The following GRIN2B variants were observed in gnomAD, a reference collection of about 807,000 sequenced individuals.
The protein encoded by GRIN2B is glutamate receptor ionotropic, NMDA 2B.
GRIN2B carries 5 observed loss-of-function variants against 114.5 expected under a neutral mutation model. That is an observed-to-expected ratio of 0.04 (90% CI 0.02 to 0.09). The LOEUF (loss-of-function observed/expected upper bound fraction) is 0.09, where lower values mean the gene tolerates loss of function less well. Ranked by LOEUF, GRIN2B falls within the 10% of genes least tolerant of loss-of-function variation. The probability of loss-of-function intolerance (pLI) is 1.00; values close to 1 mark genes in which losing one functional copy is unlikely to be tolerated. For synonymous variants in GRIN2B, 787 were observed against 745.1 expected, an observed-to-expected ratio of 1.06 and a Z score of -0.92; for missense variants, 1,108 against 1,943.5, an observed-to-expected ratio of 0.57 and a Z score of 8.08.
At chr12:13,704,553 T>C (rs910900701) in intron 4 of GRIN2B, among the ~76,000 whole-genome samples, 1 of 152,062 alleles carries the variant, frequency 6.6e-6, no homozygotes, top group Non-Finnish European at 1.5e-5. Context: ...CCCAGTGCCA[T>C]CCCAATCTCT....
At chr12:13,684,041 G>T (rs948014463) in intron 4 of GRIN2B, among the ~76,000 whole-genome samples, 1 of 152,064 alleles carries the variant, frequency 6.6e-6, no homozygotes, top group South Asian at 2.1e-4. Context: ...TACCAGTTCA[G>T]TATATTCTCT....
intron 4 of GRIN2B, among the ~76,000 whole-genome samples, chr12:13,704,998 C>T (rs1038014508): frequency 3.9e-5 from 6 of 152,106 alleles, no homozygotes; most frequent in Non-Finnish European, 8.8e-5. Flanking sequence ...CCTTAGGCAG[C>T]CCCTTCTCCA....
chr12:13,708,841 T>C (rs1454576695), intron 4 of GRIN2B, among the ~76,000 whole-genome samples: 1 of 152,130 alleles, frequency 6.6e-6, no homozygotes, highest in South Asian at 2.1e-4. Context: ...AAAATATTTA[T>C]TGAGTGCTTC....
intron 4 of GRIN2B, chr12:13,683,574 C>G (rs1479373133): frequency 1.3e-5 from 2 of 156,276 alleles, no homozygotes; most frequent in Non-Finnish European, 2.9e-5. Flanking sequence ...CGGCATCTGT[C>G]ACTCCATCGA....
At chr12:13,740,883 G>T (rs969453276) in intron 4 of GRIN2B, among the ~76,000 whole-genome samples, 6 of 152,072 alleles carry the variant, frequency 3.9e-5, no homozygotes, top group African/African-American at 1.4e-4. Flanking sequence ...AGTAGAGATG[G>T]GCACACTTCA....
intron 10 of GRIN2B, among the ~76,000 whole-genome samples, chr12:13,584,779 ATGAAG>A (rs1435895125): frequency 6.6e-6 from 1 of 152,242 alleles, no homozygotes; most frequent in African/African-American, 2.4e-5. Flanking sequence ...TAACATGGAG[ATGAAG>A]TGAAACAGAG....
chr12:13,598,653 C>T (rs1419893934), intron 10 of GRIN2B, among the ~76,000 whole-genome samples: 1 of 152,114 alleles, frequency 6.6e-6, no homozygotes, highest in Non-Finnish European at 1.5e-5. Context: ...GTAGTTTTCT[C>T]TCACAATCCT....
Position 13,865,819 on chromosome 12 carries a change from G to A in GRIN2B, c.390C>T (p.Ser130=). Residue 130 remains serine (S), a synonymous_variant, in exon 3 of 14, where the codon TCC becomes TCT. Transcript: ENST00000609686. ...TTACCTTATCTGCCATTATCATAGA[G>A]GAGCCCCCGTGGATGCCCAGGATGG... ...LTPILGIHGG[S]SMIMADKDES... is the part of the protein sequence containing the mutation. 6.2e-7 allele frequency: 1 copy of A among 1,613,916 alleles called. No individual in the cohort carries two copies. Among genetic ancestry groups the A allele is most frequent in the Non-Finnish European group, 8.5e-7 (1 of 1,179,874 alleles).
chr12:13,895,635 C>G (rs1565578575), intron 2 of GRIN2B, among the ~76,000 whole-genome samples: 1 of 152,136 alleles, frequency 6.6e-6, no homozygotes, highest in Non-Finnish European at 1.5e-5. Flanking sequence ...ACGGAACTCT[C>G]CAGATAATAA....
intron 3 of GRIN2B, among the ~76,000 whole-genome samples, chr12:13,840,674 CAG>C (rs1491294570): frequency 6.6e-6 from 1 of 152,264 alleles, no homozygotes; most frequent in East Asian, 1.9e-4. Flanking sequence ...TGATCAGTTC[CAG>C]TTAGGTTACT....
chr12:13,716,389 A>G (rs947379273), intron 4 of GRIN2B, among the ~76,000 whole-genome samples: 1 of 151,950 alleles, frequency 6.6e-6, no homozygotes, highest in Non-Finnish European at 1.5e-5. Flanking sequence ...ATGAGCCAGT[A>G]GTAATCTAAG....
rs536541953 is a variant in GRIN2B, at chr12:13,736,891, C to T, written c.1010+16426G>A. 1.4e-4 allele frequency among the ~76,000 whole-genome samples: 21 copies of T among 151,750 alleles called. No homozygotes were observed. In the South Asian group the frequency reaches 2.9e-3, roughly 21 times the overall value. On this transcript the variant is annotated intron_variant, in intron 4 of 13. Transcript: ENST00000609686. ...AAAAAATTAGCCGGGCGTGGTGGTG[C>T]GTGCCTGTAGCGCCTATAATCCCAG...
intron 3 of GRIN2B, among the ~76,000 whole-genome samples, chr12:13,841,881 A>C (rs981213524): frequency 6.6e-6 from 1 of 152,202 alleles, no homozygotes; most frequent in Non-Finnish European, 1.5e-5. Flanking sequence ...TTTTAAAAAA[A>C]ATATGGTATA....
At chr12:13,865,657 G>A in intron 3 of GRIN2B, 141 bp downstream of exon 3, 1 of 795,500 alleles carries the variant, frequency 1.3e-6, no homozygotes, top group East Asian at 2.4e-5. Context: ...AAAAAAAAAG[G>A]ATTAATTGCT....
intron 2 of GRIN2B, among the ~76,000 whole-genome samples, chr12:13,915,428 C>A (rs1866699867): frequency 6.6e-6 from 1 of 152,126 alleles, no homozygotes. Flanking sequence ...GCTGACCTCA[C>A]TCTCTATTTT....
intron 10 of GRIN2B, among the ~76,000 whole-genome samples, chr12:13,590,894 T>C (rs1949000811): frequency 6.6e-6 from 1 of 152,172 alleles, no homozygotes; most frequent in Admixed American, 6.5e-5. Context: ...CATTGTTTTC[T>C]ACCACAGAGA....
At chr12:13,881,032 G>T (rs2136764715) in intron 2 of GRIN2B, among the ~76,000 whole-genome samples, 1 of 152,296 alleles carries the variant, frequency 6.6e-6, no homozygotes, top group Non-Finnish European at 1.5e-5. Context: ...GCGCACGCAT[G>T]TGCGCAGGTG....
chr12:13,943,161 C>T (rs219914), intron 2 of GRIN2B, among the ~76,000 whole-genome samples: 80,676 of 151,942 alleles, frequency 0.53, 21,678 homozygotes, highest in Non-Finnish European at 0.58. Flanking sequence ...TGTGCAACAG[C>T]ACTTCAGGAA....
At chr12:13,689,400 T>G (rs1038964182) in intron 4 of GRIN2B, among the ~76,000 whole-genome samples, 5 of 152,200 alleles carry the variant, frequency 3.3e-5, no homozygotes, top group African/African-American at 1.2e-4. Context: ...CCTTTAGTCT[T>G]GAAATCTTCC....
Sources: gnomAD v4.1 joint callset for allele counts (sites outside exome capture counted in the v4.1 genomes callset) on GRCh38, gnomAD v4.1.1 for gene constraint, MANE v1.5 for transcripts, NCBI Gene and HGNC (gene_info 2026-07-23, HGNC 2026-07-21) for gene names.